PRDM2: variants seen among roughly 807,000 people sequenced by gnomAD.
PRDM2 encodes the protein PR/SET domain 2.
In PRDM2, 30 loss-of-function variants were observed where a neutral mutation model predicts 130.0. That is an observed-to-expected ratio of 0.23 (90% CI 0.17 to 0.31). PRDM2 has a LOEUF of 0.31. Ranked by LOEUF, PRDM2 falls within the 10% of genes least tolerant of loss-of-function variation. The pLI, the probability that PRDM2 is intolerant of heterozygous loss-of-function variation, is 1.00. For synonymous variants in PRDM2, 871 were observed against 782.4 expected (o/e 1.11, Z -1.89); for missense variants, 2,011 against 2,108.4 (o/e 0.95, Z 0.90).
chr1:13,818,155 G>C (rs1645287765), intron 9 of PRDM2, among the ~76,000 whole-genome samples: 2 of 152,180 alleles, frequency 1.3e-5, no homozygotes, highest in South Asian at 4.1e-4. Flanking sequence ...ACCTGCATTA[G>C]CAGATGGCCC....
At chr1:13,787,728 A>C (rs1378902761) in intron 8 of PRDM2, 1 of 984,864 alleles carries the variant, frequency 1.0e-6, no homozygotes, top group African/African-American at 1.7e-5. Flanking sequence ...TGGCGTTGTT[A>C]ACCCGGAGAG....
intron 8 of PRDM2, among the ~76,000 whole-genome samples, chr1:13,802,299 A>T (rs991600739): frequency 2.6e-5 from 4 of 152,174 alleles, no homozygotes; most frequent in African/African-American, 9.7e-5. Flanking sequence ...AGCCAGGCAC[A>T]CCCAGGCCTC....
chr1:13,712,561 C>CATG (rs1383048721), intron 1 of PRDM2, among the ~76,000 whole-genome samples: 1 of 152,142 alleles, frequency 6.6e-6, no homozygotes, highest in African/African-American at 2.4e-5. Context: ...TCGAGACCAT[C>CATG]ATGGCCAACA....
intron 2 of PRDM2, among the ~76,000 whole-genome samples, chr1:13,722,115 AT>A (rs1642748284): frequency 6.6e-6 from 1 of 152,142 alleles, no homozygotes; most frequent in South Asian, 2.1e-4. Context: ...AGACCCAAAC[AT>A]CCCTTCTCTG....
At chr1:13,773,668 C>G (rs1038321557) in intron 7 of PRDM2, 2 of 152,102 alleles carry the variant, frequency 1.3e-5, no homozygotes, top group Non-Finnish European at 2.9e-5. Flanking sequence ...GAGCTGTGAT[C>G]CCCCCACTGT....
chr1:13,763,173 AG>A (rs1310991846), intron 6 of PRDM2, among the ~76,000 whole-genome samples: 1 of 152,250 alleles, frequency 6.6e-6, no homozygotes, highest in Non-Finnish European at 1.5e-5. Context: ...ATCGACCCTT[AG>A]GTTAATACTG....
chr1:13,720,885 A>G (rs925863526), intron 2 of PRDM2, among the ~76,000 whole-genome samples: 4 of 152,254 alleles, frequency 2.6e-5, no homozygotes, highest in Non-Finnish European at 4.4e-5. Flanking sequence ...ACTTTGAGGT[A>G]TAAGCTGCAT....
intron 6 of PRDM2, among the ~76,000 whole-genome samples, chr1:13,750,946 G>A (rs1164257595): frequency 5.3e-5 from 8 of 152,042 alleles, no homozygotes; most frequent in Non-Finnish European, 1.2e-4. Flanking sequence ...TATTTGTAGG[G>A]GGCTGGAGAT....
At chr1:13,756,920 T>C in intron 6 of PRDM2, among the ~76,000 whole-genome samples, 1 of 152,228 alleles carries the variant, frequency 6.6e-6, no homozygotes, top group East Asian at 1.9e-4. Flanking sequence ...GGTTATGTGC[T>C]TTGGCCGAGT....
chr1:13,736,114 CTT>C (rs766095858), intron 4 of PRDM2, among the ~76,000 whole-genome samples: 25 of 131,956 alleles, frequency 1.9e-4, no homozygotes, highest in Admixed American at 2.3e-4. Flanking sequence ...TGTTTCTTTT[CTT>C]TTTTTTTTTT....
rs767011806 is a variant in PRDM2, at chr1:13,781,234, A to G, written c.3439A>G (p.Lys1147Glu). The G allele has an allele frequency of 2.5e-6, 4 of 1,614,228 alleles. No homozygotes were observed. The highest frequency in any genetic ancestry group is 3.4e-6 in the Non-Finnish European group (4 of 1,180,042). Residue 1147 changes from lysine to glutamate, a missense_variant, in exon 8 of 10, where the codon AAA (lysine) becomes GAA (glutamate). Around this residue, in one of 5 missense-constraint regions of PRDM2, gnomAD observed 229 missense variants for 364.1 expected, o/e 0.63. Transcript: ENST00000311066. This position sits in a 1 kb window ranked among gnomAD's most constrained non-coding sequence, Gnocchi z 6.1. ...CTGTGAATCACCTTTTCTTTCCATTAAAGATCTAACCAAACATTTATCTAT... is the reference window on the plus strand; with the variant it reads ...CTGTGAATCACCTTTTCTTTCCATTGAAGATCTAACCAAACATTTATCTAT... ...NVCESPFLSIKDLTKHLSIHA... is the reference protein window; with the variant it reads ...NVCESPFLSIEDLTKHLSIHA...
intron 5 of PRDM2, among the ~76,000 whole-genome samples, chr1:13,743,128 A>G (rs1007191681): frequency 3.4e-4 from 51 of 152,088 alleles, no homozygotes; most frequent in Admixed American, 3.3e-3. Context: ...GGACGGGCGC[A>G]GTGGCTCACG....
At chr1:13,772,619 A>G (rs1331763708) in intron 6 of PRDM2, among the ~76,000 whole-genome samples, 1 of 152,210 alleles carries the variant, frequency 6.6e-6, no homozygotes, top group Non-Finnish European at 1.5e-5. Context: ...TTTGCTTCCA[A>G]CAATTATGGA....
intron 8 of PRDM2, among the ~76,000 whole-genome samples, chr1:13,808,866 G>A (rs567768726): frequency 1.1e-4 from 17 of 152,304 alleles, no homozygotes; most frequent in Non-Finnish European, 2.2e-4. Flanking sequence ...GGGCCGGTGT[G>A]GGAACCTGAC....
chr1:13,703,647 G>A (rs1294998683), intron 1 of PRDM2, among the ~76,000 whole-genome samples: 2 of 152,214 alleles, frequency 1.3e-5, no homozygotes, highest in Non-Finnish European at 2.9e-5. Flanking sequence ...TTTTCATGAC[G>A]TGGAATCAGC....
intron 6 of PRDM2, among the ~76,000 whole-genome samples, chr1:13,752,514 C>T (rs753576340): frequency 1.6e-4 from 25 of 152,140 alleles, no homozygotes; most frequent in Non-Finnish European, 2.8e-4. Flanking sequence ...AGCATAGAAA[C>T]GGTCAAATTT....
rs1012070311 is a variant in PRDM2, at chr1:13,773,014, G to A, written c.512-64G>A. On this transcript the variant is annotated intron_variant, in intron 6 of 9. Coordinates refer to ENST00000311066, the MANE Select transcript of PRDM2 (RefSeq NM_001393986.1). ...TCAGTAATTCAGAATAACACATGAG[G>A]GAATGAATGAATGAATAAATAAAAA... is the stretch of plus-strand genomic sequence containing the variant. 1.8e-5 allele frequency: 16 copies of A among 895,452 alleles called. No individual in the cohort carries two copies. The African/African-American group carries it at 2.6e-4, about 15-fold the overall frequency. The allele number at this position is 895,452 out of a possible 1,614,324, so 55.5% of individuals were successfully genotyped here.
intron 1 of PRDM2, among the ~76,000 whole-genome samples, chr1:13,701,301 A>G (rs980626071): frequency 1.3e-5 from 2 of 152,114 alleles, no homozygotes; most frequent in Admixed American, 6.5e-5. Context: ...TTACCCCAGA[A>G]CTCGACTAAA....
intron 8 of PRDM2, among the ~76,000 whole-genome samples, chr1:13,784,874 C>T (rs1444741878): frequency 6.6e-6 from 1 of 152,214 alleles, no homozygotes; most frequent in Admixed American, 6.5e-5. Flanking sequence ...ATCTGTAGGT[C>T]AGGAATGTGA....
Sources: gnomAD v4.1 joint callset for allele counts (sites outside exome capture counted in the v4.1 genomes callset) on GRCh38, gnomAD v4.1.1 for gene constraint, gnomAD v4.1.1 regional missense constraint, Gnocchi (gnomAD v3.1) non-coding constraint, MANE v1.5 for transcripts, NCBI Gene and HGNC (gene_info 2026-07-23, HGNC 2026-07-21) for gene names.